CAPN14: variants seen among roughly 807,000 people sequenced by gnomAD.
CAPN14 encodes the protein calpain-14.
CAPN14 carries 94 observed loss-of-function variants against 101.3 expected under a neutral mutation model. The ratio of observed to expected loss-of-function variants is 0.93; its 90% CI spans 0.79 to 1.10. The LOEUF (loss-of-function observed/expected upper bound fraction) is 1.10, where lower values mean the gene tolerates loss of function less well. Among genes scored for constraint, CAPN14 ranks in the 50% least tolerant of loss-of-function variants. CAPN14 has a pLI of 0.00. For synonymous variants in CAPN14, 338 were observed against 317.9 expected (o/e 1.06, Z -0.67); for missense variants, 837 against 828.4 (o/e 1.01, Z -0.13).
chr2:31,222,442 G>A (rs957740906), upstream of CAPN14, among the ~76,000 whole-genome samples: 1 of 152,094 alleles, frequency 6.6e-6, no homozygotes, highest in Non-Finnish European at 1.5e-5. Flanking sequence ...GTTTGACCCT[G>A]ATGCTACTGC....
At chr2:31,215,848 GA>G (rs35210385) in intron 1 of CAPN14, among the ~76,000 whole-genome samples, 19,887 of 134,230 alleles carry the variant, frequency 0.15, 1,608 homozygotes, top group African/African-American at 0.28. Context: ...TCTTAAAAAA[GA>G]AAAAAAAAAA....
intron 16 of CAPN14, among the ~76,000 whole-genome samples, chr2:31,185,522 A>G (rs1029358675): frequency 6.6e-6 from 1 of 152,328 alleles, no homozygotes; most frequent in East Asian, 1.9e-4. Context: ...AGACCTTTAA[A>G]AACTTTTAAA....
intron 1 of CAPN14, among the ~76,000 whole-genome samples, chr2:31,233,164 A>T (rs1683245138): frequency 6.6e-6 from 1 of 152,186 alleles, no homozygotes; most frequent in Non-Finnish European, 1.5e-5. Context: ...GCACATGCTG[A>T]GCATTTTGTT....
intron 2 of CAPN14, among the ~76,000 whole-genome samples, chr2:31,224,292 G>A (rs1031556510): frequency 6.6e-6 from 1 of 152,046 alleles, no homozygotes; most frequent in Non-Finnish European, 1.5e-5. Flanking sequence ...ATTTACATAT[G>A]AAGGCTTCTA....
At chr2:31,177,205 C>G (rs187881887) in intron 19 of CAPN14, 63 bp from the exon 20 acceptor site, 3 of 1,113,070 alleles carry the variant, frequency 2.7e-6, no homozygotes, top group Non-Finnish European at 3.9e-6. Context: ...CCCTCCTGCT[C>G]AAGGCCCCTT....
At chr2:31,191,310 C>T (rs1211619149) in intron 12 of CAPN14, 89 bp downstream of exon 12, 2 of 1,286,876 alleles carry the variant, frequency 1.6e-6, no homozygotes, top group African/African-American at 1.5e-5. Flanking sequence ...GCAGTAGAAG[C>T]CTGCTCCAGT....
chr2:31,197,407 G>A (rs1681522236), intron 7 of CAPN14, 73 bp from the exon 8 acceptor site: 23 of 1,044,812 alleles, frequency 2.2e-5, no homozygotes, highest in Non-Finnish European at 3.3e-5. Flanking sequence ...TGAGACTCGG[G>A]CCTGGAGCTG....
intron 2 of CAPN14, among the ~76,000 whole-genome samples, chr2:31,226,267 T>A (rs1008175300): frequency 1.3e-5 from 2 of 152,234 alleles, no homozygotes; most frequent in African/African-American, 2.4e-5. Context: ...GCTCATAGGT[T>A]CTGCCTTTAT....
chr2:31,177,898 C>A, intron 18 of CAPN14, 77 bp from the exon 19 acceptor site: 1 of 1,020,682 alleles, frequency 9.8e-7, no homozygotes, highest in South Asian at 1.4e-5. Context: ...TGCCCCTTGT[C>A]AGCACCGCAG....
chr2:31,190,719 C>T (rs1681137034), intron 12 of CAPN14, among the ~76,000 whole-genome samples: 1 of 152,274 alleles, frequency 6.6e-6, no homozygotes, highest in Admixed American at 6.5e-5. Flanking sequence ...GTGAGAGAAA[C>T]AACAAACAAA....
At chr2:31,215,293 T>G (rs1682592144) in intron 1 of CAPN14, among the ~76,000 whole-genome samples, 1 of 152,164 alleles carries the variant, frequency 6.6e-6, no homozygotes, top group Non-Finnish European at 1.5e-5. Context: ...CAGGGGCATT[T>G]GCATCTTCAG....
intron 21 of CAPN14, among the ~76,000 whole-genome samples, chr2:31,175,802 T>C (rs1680260459): frequency 6.6e-6 from 1 of 152,172 alleles, no homozygotes; most frequent in East Asian, 1.9e-4. Flanking sequence ...TAAGTGGCCA[T>C]AGCAGAGGAA....
intron 21 of CAPN14, among the ~76,000 whole-genome samples, chr2:31,176,053 G>C (rs1374468655): frequency 1.3e-5 from 2 of 152,186 alleles, no homozygotes; most frequent in Non-Finnish European, 1.5e-5. Flanking sequence ...AATGGGCTTG[G>C]CCATTTGACT....
intron 16 of CAPN14, among the ~76,000 whole-genome samples, chr2:31,181,456 T>G (rs1253877290): frequency 7.3e-6 from 1 of 137,212 alleles, no homozygotes; most frequent in East Asian, 2.0e-4. Flanking sequence ...TTCTTTCTTT[T>G]TTTCTCTTTT....
Position 31,180,654 on chromosome 2 carries a change from T to C in CAPN14, c.1710+282A>G, listed in dbSNP as rs78705783. Among the ~76,000 whole-genome samples the C allele has an allele frequency of 3.7e-4, 57 of 152,286 alleles. No homozygotes were observed. The East Asian group carries it at 7.5e-3, about 20-fold the overall frequency. On this transcript the variant is annotated intron_variant, in intron 17 of 21. Coordinates refer to ENST00000403897, the MANE Select transcript of CAPN14 (RefSeq NM_001145122.2). ...CCTCATTCCCAGGAAATGAGATTAT[T>C]GTGATGGATGGCTAATATTGGTCAC...
At chr2:31,178,171 T>A (rs1438920938) in intron 18 of CAPN14, among the ~76,000 whole-genome samples, 1 of 152,112 alleles carries the variant, frequency 6.6e-6, no homozygotes, top group Non-Finnish European at 1.5e-5. Flanking sequence ...TTGTGAGCAA[T>A]GATTGGAAGA....
At chr2:31,223,750 G>A (rs1185099450) in intron 2 of CAPN14, among the ~76,000 whole-genome samples, 1 of 151,784 alleles carries the variant, frequency 6.6e-6, no homozygotes, top group East Asian at 1.9e-4. Flanking sequence ...GGCTGGTCTC[G>A]AACTCCTGAC....
intron 1 of CAPN14, among the ~76,000 whole-genome samples, chr2:31,209,796 G>A (rs889268803): frequency 6.6e-6 from 1 of 152,110 alleles, no homozygotes; most frequent in African/African-American, 2.4e-5. Flanking sequence ...ATCATGCCAT[G>A]TTAGTACCTT....
rs1218184054 is a variant in CAPN14, at chr2:31,224,544, ACACTGTTCTGAAAATT to A, written c.-53+1968_-53+1983del. Among the ~76,000 whole-genome samples the A allele has an allele frequency of 4.6e-5, 7 of 152,290 alleles. No homozygotes were observed. The East Asian group carries it at 1.4e-3, about 29-fold the overall frequency. On this transcript the variant is annotated intron_variant and NMD_transcript_variant, in intron 2 of 21. Coordinates refer to the CAPN14 transcript ENST00000398824. ...AATGCTCACATCTTTGTTGTTTTCA[ACACTGTTCTGAAAATT>A]GTAGCCAAAATATGAAATATACATT...
Sources: gnomAD v4.1 joint callset for allele counts (sites outside exome capture counted in the v4.1 genomes callset) on GRCh38, gnomAD v4.1.1 for gene constraint, MANE v1.5 for transcripts, NCBI Gene and HGNC (gene_info 2026-07-23, HGNC 2026-07-21) for gene names.